Variants in WDR33 observed in about 807,000 individuals in gnomAD.
WDR33 encodes WD repeat domain 33.
In WDR33, 47 loss-of-function variants were observed where a neutral mutation model predicts 164.9. The ratio of observed to expected loss-of-function variants is 0.29; its 90% confidence interval spans 0.23 to 0.36. The LOEUF (loss-of-function observed/expected upper bound fraction) is 0.36, where lower values mean the gene tolerates loss of function less well. Ranked by LOEUF, WDR33 falls within the 10% of genes least tolerant of loss-of-function variation. WDR33 has a pLI of 1.00. For synonymous variants in WDR33, 505 were observed against 589.0 expected, an observed-to-expected ratio of 0.86 and a Z score of 2.06; for missense variants, 1,137 against 1,754.1, an observed-to-expected ratio of 0.65 and a Z score of 6.28.
At chr2:127,774,940 G>A (rs1688140646) in intron 1 of WDR33, among the ~76,000 whole-genome samples, 3 of 152,178 alleles carry the variant, frequency 2.0e-5, no homozygotes, top group South Asian at 2.1e-4. Flanking sequence ...AATATACAGC[G>A]ACAAAAAGCT....
At chr2:127,752,023 G>A (rs1687380899) in intron 7 of WDR33, among the ~76,000 whole-genome samples, 1 of 152,188 alleles carries the variant, frequency 6.6e-6, no homozygotes, top group Admixed American at 6.5e-5. Flanking sequence ...AACAAGGAGA[G>A]TCCAAACAAG....
In WDR33 at chr2:127,701,855, G is replaced by C. The variant is rs1052837852; in HGVS notation, c.*4468C>G. The C allele has an allele frequency of 1.6e-5, 23 of 1,461,368 alleles. No homozygotes were observed. In the East Asian group the frequency reaches 5.2e-4, roughly 33 times the overall value. The allele number at this position is 1,461,368 out of a possible 1,614,324, so 90.5% of individuals were successfully genotyped here. A position where few individuals can be genotyped will look rare whatever the true frequency, so the allele number is the denominator to read the frequency against. On this transcript the variant is annotated 3_prime_UTR_variant, in exon 22 of 22. Transcript: ENST00000322313. ...TGCTGCTGCGCGCGCGCAAGTTCGCGCTGCTCTGGTCACTGGGCTCGGCGC... is the reference window on the plus strand; with the variant it reads ...TGCTGCTGCGCGCGCGCAAGTTCGCCCTGCTCTGGTCACTGGGCTCGGCGC...
At chr2:127,772,097 G>A (rs1164610771) in intron 1 of WDR33, among the ~76,000 whole-genome samples, 2 of 151,812 alleles carry the variant, frequency 1.3e-5, no homozygotes. Flanking sequence ...CTAAAGTGCT[G>A]GGATTACAGG....
intron 1 of WDR33, among the ~76,000 whole-genome samples, chr2:127,800,728 T>C (rs924538130): frequency 1.3e-5 from 2 of 152,004 alleles, no homozygotes; most frequent in African/African-American, 4.8e-5. Flanking sequence ...CCATAGACTT[T>C]ACAAAGCCTA....
intron 1 of WDR33, among the ~76,000 whole-genome samples, chr2:127,779,990 T>G (rs1002986077): frequency 2.0e-5 from 3 of 150,584 alleles, no homozygotes; most frequent in Non-Finnish European, 4.4e-5. Flanking sequence ...TTTTTTTTTT[T>G]TGAGACGGAG....
intron 7 of WDR33, among the ~76,000 whole-genome samples, chr2:127,730,898 T>G (rs770781427): frequency 6.6e-6 from 1 of 151,530 alleles, no homozygotes; most frequent in Non-Finnish European, 1.5e-5. Flanking sequence ...AACTCTCGAT[T>G]TTTTTTGTTT....
rs1213197594 is a variant in WDR33 at position 127,726,611 on chromosome 2, C to T, written c.851+40G>A. 1.2e-6 allele frequency: 2 copies of T among 1,606,522 alleles called. No homozygotes were observed. Among genetic ancestry groups the T allele is most frequent in the African/African-American group, 2.7e-5 (2 of 74,554 alleles). On this transcript the variant is annotated intron_variant, in intron 8 of 21. Coordinates refer to ENST00000322313, the MANE Select transcript of WDR33 (RefSeq NM_018383.5). This position sits in a 1 kb window ranked among gnomAD's most constrained non-coding sequence, Gnocchi z 4.8. The stretch of plus-strand genomic sequence containing the variant: ...AGTTAAAGGACACACTGCTTTGCTC[C>T]CCTTTGTTCAGGGGCCAAGGTGGGG...
intron 1 of WDR33, among the ~76,000 whole-genome samples, chr2:127,772,414 G>C (rs1688038885): frequency 6.6e-6 from 1 of 151,422 alleles, no homozygotes; most frequent in East Asian, 1.9e-4. Context: ...ACTCCAGCCT[G>C]GGCGACAAGG....
chr2:127,794,494 T>A (rs773048547), intron 1 of WDR33, among the ~76,000 whole-genome samples: 6 of 144,334 alleles, frequency 4.2e-5, no homozygotes, highest in Non-Finnish European at 7.5e-5. Flanking sequence ...AGAGCGAGAC[T>A]TCATCAAAGG....
At chr2:127,727,346 GTAA>G (rs1195894445) in intron 7 of WDR33, among the ~76,000 whole-genome samples, 1 of 152,142 alleles carries the variant, frequency 6.6e-6, no homozygotes, top group African/African-American at 2.4e-5. Context: ...GTTAGATGAG[GTAA>G]TAATAACAGC....
intron 7 of WDR33, among the ~76,000 whole-genome samples, chr2:127,731,215 G>A (rs1686696756): frequency 6.8e-6 from 1 of 147,486 alleles, no homozygotes; most frequent in Non-Finnish European, 1.5e-5. Flanking sequence ...GATCGCCTGA[G>A]CCCAGGGAGG....
intron 7 of WDR33, among the ~76,000 whole-genome samples, chr2:127,757,985 CG>C (rs1468426627): frequency 6.6e-6 from 1 of 152,044 alleles, no homozygotes; most frequent in Non-Finnish European, 1.5e-5. Flanking sequence ...GTGGTGAGTA[CG>C]TAAGTGTTCA....
rs1332861242 is a variant in WDR33, at chr2:127,716,827, T to C, written c.2869+328A>G. 6.6e-6 allele frequency among the ~76,000 whole-genome samples: 1 copy of C among 152,218 alleles called. No individual in the cohort carries two copies. Among genetic ancestry groups the C allele is most frequent in the Non-Finnish European group, 1.5e-5 (1 of 68,034 alleles). On this transcript the variant is annotated intron_variant, in intron 17 of 21. Coordinates refer to ENST00000322313, the MANE Select transcript of WDR33 (RefSeq NM_018383.5). The surrounding 1 kb of genome is among the most constrained non-coding windows in gnomAD (Gnocchi z 4.5). ...AATTCAAGCACAAACAGTCCATCTC[T>C]TCAGGGTGCTACAAACACACACTTG...
intron 7 of WDR33, chr2:127,736,818 A>G (rs897227182): frequency 1.0e-6 from 1 of 985,440 alleles, no homozygotes; most frequent in Non-Finnish European, 1.2e-6. Flanking sequence ...AAACTTACAT[A>G]TCAGGCTGCT....
At chr2:127,734,580 T>C (rs11892530) in intron 7 of WDR33, among the ~76,000 whole-genome samples, 8,661 of 152,318 alleles carry the variant, frequency 0.057, 462 homozygotes, top group African/African-American at 0.14. Flanking sequence ...ACTCTTCCAC[T>C]TCCACTCATT....
Position 127,713,751 on chromosome 2 carries a change from C to T in WDR33, c.3140G>A (p.Arg1047Gln), listed in dbSNP as rs752415467. The T allele has an allele frequency of 5.0e-6, 8 of 1,614,122 alleles. No homozygotes were observed. Among genetic ancestry groups the T allele is most frequent in the East Asian group, 2.2e-5 (1 of 44,902 alleles). ...GPLPQEEKWR[R>Q]GGPGPPFPPD... ...GGGAAACGGAGGCCCAGGGCCCCCT[C>T]GCCTCCACTTCTCTTCTTGCGGTAA... The change falls in exon 18 of 22, where the codon CGA becomes CAA. Residue 1047 changes from arginine to glutamine, a missense_variant. Around this residue, in one of 9 missense-constraint regions of WDR33, gnomAD observed 867 missense variants for 1,073.0 expected, o/e 0.81. Coordinates refer to ENST00000322313, the MANE Select transcript of WDR33 (RefSeq NM_018383.5). The surrounding 1 kb of genome is among the most constrained non-coding windows in gnomAD (Gnocchi z 6.2).
rs996402384 is a variant in WDR33 at position 127,706,733 on chromosome 2, C to G, written c.3782-181G>C. Among the ~76,000 whole-genome samples the G allele has an allele frequency of 6.6e-6, 1 of 152,230 alleles. No homozygotes were observed. Among genetic ancestry groups the G allele is most frequent in the African/African-American group, 2.4e-5 (1 of 41,454 alleles). On this transcript the variant is annotated intron_variant, in intron 21 of 21. Coordinates refer to ENST00000322313, the MANE Select transcript of WDR33 (RefSeq NM_018383.5). The surrounding 1 kb of genome is among the most constrained non-coding windows in gnomAD (Gnocchi z 5.1). ...TACCCTTTCCTGACCCTGCCTCCCCCTTCCTGGCTCATGGCCATGGGCCTC... is the reference window on the plus strand; with the variant it reads ...TACCCTTTCCTGACCCTGCCTCCCCGTTCCTGGCTCATGGCCATGGGCCTC...
chr2:127,804,278 C>A (rs1573489346), intron 1 of WDR33, among the ~76,000 whole-genome samples: 1 of 151,806 alleles, frequency 6.6e-6, no homozygotes, highest in East Asian at 1.9e-4. Flanking sequence ...CCAAGATCAT[C>A]CCAGCCTGGG....
chr2:127,707,098 C>T (rs1290141994), intron 21 of WDR33, among the ~76,000 whole-genome samples: 1 of 151,808 alleles, frequency 6.6e-6, no homozygotes, highest in African/African-American at 2.4e-5. Context: ...CACAAAAACC[C>T]AAAAACCCCA....
Sources: allele counts gnomAD v4.1 joint callset (sites outside exome capture counted in the v4.1 genomes callset), GRCh38; gene constraint gnomAD v4.1.1; regional missense constraint gnomAD v4.1.1; non-coding constraint Gnocchi (gnomAD v3.1); transcripts MANE v1.5; gene names NCBI Gene and HGNC (gene_info 2026-07-23, HGNC 2026-07-21).